TANC2: variants seen among roughly 807,000 people sequenced by gnomAD.
The protein encoded by TANC2 is tetratricopeptide repeat, ankyrin repeat and coiled-coil containing 2, also known as protein TANC2.
Under a neutral mutation model 210.5 loss-of-function variants are expected in TANC2, and 26 were observed. The observed-to-expected ratio is 0.12, with a 90% CI of 0.09 to 0.17. The LOEUF (loss-of-function observed/expected upper bound fraction) is 0.17, where lower values mean the gene tolerates loss of function less well. Ranked by LOEUF, TANC2 falls within the 10% of genes least tolerant of loss-of-function variation. The pLI is 1.00. For synonymous variants in TANC2, 931 were observed against 967.1 expected, an observed-to-expected ratio of 0.96 and a Z score of 0.69; for missense variants, 2,129 against 2,608.9, an observed-to-expected ratio of 0.82 and a Z score of 4.01.
intron 2 of TANC2, among the ~76,000 whole-genome samples, chr17:63,017,724 ATCTATT>A (rs1414463214): frequency 9.8e-5 from 15 of 152,378 alleles, no homozygotes; most frequent in Non-Finnish European, 1.2e-4. Flanking sequence ...TTAACAAAAC[ATCTATT>A]TCTAGTGTAA....
intron 14 of TANC2, among the ~76,000 whole-genome samples, chr17:63,358,174 C>T (rs962131015): frequency 6.6e-6 from 1 of 152,192 alleles, no homozygotes; most frequent in African/African-American, 2.4e-5. Context: ...CAGGAAATAG[C>T]AGAGCCAGAG....
intron 14 of TANC2, among the ~76,000 whole-genome samples, chr17:63,371,242 A>G (rs1354773771): frequency 6.6e-6 from 1 of 152,146 alleles, no homozygotes; most frequent in African/African-American, 2.4e-5. Context: ...AGGCAGGTGG[A>G]TCACCTGAGG....
intron 2 of TANC2, among the ~76,000 whole-genome samples, chr17:63,031,825 C>A (rs2034781354): frequency 6.6e-6 from 1 of 152,126 alleles, no homozygotes; most frequent in African/African-American, 2.4e-5. Context: ...TTGTGATGAA[C>A]CTTCTACATG....
At chr17:63,411,190 CGA>C (rs2048692457) in intron 21 of TANC2, among the ~76,000 whole-genome samples, 1 of 151,942 alleles carries the variant, frequency 6.6e-6, no homozygotes, top group Non-Finnish European at 1.5e-5. Context: ...ACGGGAGATC[CGA>C]GAGGCAGTGA....
At chr17:63,084,802 T>C (rs1159578932) in intron 3 of TANC2, among the ~76,000 whole-genome samples, 2 of 152,164 alleles carry the variant, frequency 1.3e-5, no homozygotes, top group African/African-American at 2.4e-5. Context: ...CTTTCTGTTA[T>C]TGATTTCTAG....
intron 11 of TANC2, among the ~76,000 whole-genome samples, chr17:63,326,085 C>T (rs1320024890): frequency 1.3e-5 from 2 of 152,162 alleles, no homozygotes; most frequent in African/African-American, 2.4e-5. Flanking sequence ...TAAACATTAT[C>T]CTGATCTCAG....
Position 63,389,659 on chromosome 17 carries a change from T to A in TANC2, c.3051+115T>A, listed in dbSNP as rs1376407772. The A allele has an allele frequency of 4.9e-6, 5 of 1,024,194 alleles. No homozygotes were observed. In the East Asian group the frequency reaches 1.0e-4, roughly 21 times the overall value. 63.4% of individuals were successfully genotyped at this position (1,024,194 alleles called of 1,614,324 possible). On this transcript the variant is annotated intron_variant, in intron 17 of 27. Transcript: ENST00000689528. ...CTGGGTAGAGTATATCAAACCATGATGGAGAGGAGATCAGAGAGAGTGCTG... is the reference window on the plus strand; with the variant it reads ...CTGGGTAGAGTATATCAAACCATGAAGGAGAGGAGATCAGAGAGAGTGCTG...
At chr17:63,423,459 T>C (rs1434365129) in exon 28 of TANC2, 1 of 152,244 alleles carries the variant, frequency 6.6e-6, no homozygotes, top group Non-Finnish European at 1.5e-5. Context: ...CATCAGCTCT[T>C]ACAACTAAAC....
chr17:63,048,304 A>T (rs1482690864), intron 2 of TANC2, among the ~76,000 whole-genome samples: 1 of 152,198 alleles, frequency 6.6e-6, no homozygotes, highest in Non-Finnish European at 1.5e-5. Context: ...GAATTATTGC[A>T]GAACTCCAGT....
chr17:63,213,833 C>T (rs757778497), intron 7 of TANC2, among the ~76,000 whole-genome samples: 1 of 152,188 alleles, frequency 6.6e-6, no homozygotes, highest in Non-Finnish European at 1.5e-5. Flanking sequence ...TTTAAATTAG[C>T]TTTAAGAATA....
At chr17:62,976,313 T>C (rs2031998371) in intron 1 of TANC2, among the ~76,000 whole-genome samples, 1 of 152,192 alleles carries the variant, frequency 6.6e-6, no homozygotes, top group Admixed American at 6.5e-5. Flanking sequence ...AATATCTTTT[T>C]TTGTGAATAA....
chr17:63,337,142 C>T (rs1007593576), intron 11 of TANC2, among the ~76,000 whole-genome samples: 4 of 152,122 alleles, frequency 2.6e-5, no homozygotes, highest in African/African-American at 9.7e-5. Flanking sequence ...AGTAAATAAT[C>T]TATTTTGAGC....
intron 2 of TANC2, among the ~76,000 whole-genome samples, chr17:63,028,981 A>G (rs2034662600): frequency 6.6e-6 from 1 of 152,120 alleles, no homozygotes; most frequent in Non-Finnish European, 1.5e-5. Flanking sequence ...ATTTATACAA[A>G]AAATGGTTTT....
At chr17:63,051,275 C>A (rs1421857087) in intron 2 of TANC2, among the ~76,000 whole-genome samples, 1 of 152,118 alleles carries the variant, frequency 6.6e-6, no homozygotes, top group Non-Finnish European at 1.5e-5. Flanking sequence ...ACATTGAACT[C>A]TTTAGATTTC....
At chr17:63,281,670 C>T (rs961752193) in intron 9 of TANC2, among the ~76,000 whole-genome samples, 2 of 151,978 alleles carry the variant, frequency 1.3e-5, no homozygotes, top group African/African-American at 4.8e-5. Context: ...AAATTCAGGT[C>T]CACCCAGAAT....
intron 7 of TANC2, among the ~76,000 whole-genome samples, chr17:63,203,170 C>T (rs1217781776): frequency 6.6e-6 from 1 of 152,116 alleles, no homozygotes; most frequent in Admixed American, 6.5e-5. Flanking sequence ...GTATATAAAG[C>T]TTCTTTTCCC....
intron 7 of TANC2, among the ~76,000 whole-genome samples, chr17:63,222,421 T>G (rs1266154926): frequency 6.6e-6 from 1 of 152,254 alleles, no homozygotes; most frequent in Non-Finnish European, 1.5e-5. Context: ...ACATCATGGA[T>G]AAATGTTAAA....
At chr17:63,341,484 G>C (rs977576106) in intron 12 of TANC2, among the ~76,000 whole-genome samples, 3 of 152,120 alleles carry the variant, frequency 2.0e-5, no homozygotes, top group Non-Finnish European at 4.4e-5. Flanking sequence ...ACCTCATCCT[G>C]GTCTTTCCTG....
chr17:63,223,880 G>A (rs1444947019), intron 7 of TANC2, among the ~76,000 whole-genome samples: 1 of 152,028 alleles, frequency 6.6e-6, no homozygotes, highest in African/African-American at 2.4e-5. Context: ...TTTAAAGTGG[G>A]TAGCTTTATG....
Sources: allele counts gnomAD v4.1 joint callset (sites outside exome capture counted in the v4.1 genomes callset), GRCh38; gene constraint gnomAD v4.1.1; transcripts MANE v1.5; gene names NCBI Gene and HGNC (gene_info 2026-07-23, HGNC 2026-07-21).